Variants in RORA observed in about 807,000 individuals in gnomAD.
The protein encoded by RORA is nuclear receptor ROR-alpha.
In RORA, 7 loss-of-function variants were observed where a neutral mutation model predicts 69.5. The ratio of observed to expected loss-of-function variants is 0.10; its 90% CI spans 0.06 to 0.19. The LOEUF (loss-of-function observed/expected upper bound fraction) is 0.19. Among genes scored for constraint, RORA ranks in the 10% least tolerant of loss-of-function variants. RORA has a pLI of 1.00. For synonymous variants in RORA, 261 were observed against 240.8 expected (o/e 1.08, Z -0.78); for missense variants, 457 against 663.0 (o/e 0.69, Z 3.41).
At chr15:60,608,217 C>T (rs2068998396) in intron 2 of RORA, among the ~76,000 whole-genome samples, 1 of 152,178 alleles carries the variant, frequency 6.6e-6, no homozygotes, top group Non-Finnish European at 1.5e-5. Flanking sequence ...ACGCGGAGCT[C>T]AGATGCTTTT....
At chr15:60,612,029 C>T (rs1400781262) in intron 2 of RORA, among the ~76,000 whole-genome samples, 3 of 152,288 alleles carry the variant, frequency 2.0e-5, no homozygotes, top group East Asian at 1.9e-4. Flanking sequence ...GGGCTTCTAT[C>T]GGCTCTTTCC....
At chr15:61,048,157 C>A (rs770683111) in intron 1 of RORA, among the ~76,000 whole-genome samples, 37 of 152,192 alleles carry the variant, frequency 2.4e-4, no homozygotes, top group Admixed American at 7.2e-4. Flanking sequence ...CCTTTAAATT[C>A]TATTTGAAAC....
At chr15:60,721,837 T>A (rs1037370897) in intron 1 of RORA, among the ~76,000 whole-genome samples, 1 of 152,278 alleles carries the variant, frequency 6.6e-6, no homozygotes, top group Non-Finnish European at 1.5e-5. Context: ...TCATCTCTAG[T>A]AAGAGGTGCC....
intron 1 of RORA, among the ~76,000 whole-genome samples, chr15:60,991,504 G>A (rs552785229): frequency 2.6e-5 from 4 of 152,098 alleles, no homozygotes; most frequent in Non-Finnish European, 5.9e-5. Context: ...GAGTGTTTGT[G>A]TCTTAATAAC....
chr15:60,505,580 G>A lies in RORA; in HGVS notation c.870C>T (p.Tyr290=). The A allele has an allele frequency of 6.2e-7, 1 of 1,613,848 alleles. No individual in the cohort carries two copies. The highest frequency in any genetic ancestry group is 8.5e-7 in the Non-Finnish European group (1 of 1,179,768). The change falls in exon 6 of 11, where the codon TAC becomes TAT. Residue 290 remains tyrosine, a synonymous_variant. Transcript: ENST00000335670. ...TTATCTGCTGGAGCTCTTCTCTCAA[G>A]TATTGGCAGGTTTCCAGATGCGATT... ...ISKSHLETCQ[Y]LREELQQITW... is the part of the protein sequence containing the mutation.
intron 1 of RORA, among the ~76,000 whole-genome samples, chr15:60,898,610 G>T (rs1263290910): frequency 1.3e-5 from 2 of 151,996 alleles, no homozygotes; most frequent in Admixed American, 6.6e-5. Flanking sequence ...GAGGCGGGAA[G>T]ATCACTTGAG....
intron 1 of RORA, among the ~76,000 whole-genome samples, chr15:61,208,216 A>G (rs1226801086): frequency 1.3e-5 from 2 of 152,254 alleles, no homozygotes. Context: ...AAGATTATTC[A>G]GCAACATAAA....
intron 1 of RORA, among the ~76,000 whole-genome samples, chr15:61,135,031 A>AG (rs1567005365): frequency 6.6e-6 from 1 of 151,850 alleles, no homozygotes; most frequent in Non-Finnish European, 1.5e-5. Context: ...AAGCAAAAAA[A>AG]TAGCAGTGGC....
intron 1 of RORA, among the ~76,000 whole-genome samples, chr15:60,940,835 G>C (rs56803737): frequency 6.6e-6 from 1 of 152,158 alleles, no homozygotes; most frequent in African/African-American, 2.4e-5. Flanking sequence ...GCTGAGGCAG[G>C]GGAATTGTTT....
chr15:60,527,719 A>G (rs936661259), intron 3 of RORA, among the ~76,000 whole-genome samples: 2 of 152,250 alleles, frequency 1.3e-5, no homozygotes, highest in African/African-American at 4.8e-5. Context: ...AAATACGTTT[A>G]TAATAAAAAC....
intron 1 of RORA, among the ~76,000 whole-genome samples, chr15:60,832,609 A>G (rs901309491): frequency 4.6e-5 from 7 of 152,284 alleles, no homozygotes; most frequent in African/African-American, 1.7e-4. Context: ...ATACTCTTAG[A>G]CATCTATACC....
At chr15:61,150,269 C>A (rs1307451862) in intron 1 of RORA, among the ~76,000 whole-genome samples, 1 of 152,172 alleles carries the variant, frequency 6.6e-6, no homozygotes, top group African/African-American at 2.4e-5. Context: ...TTATTGGCCT[C>A]CTTCAGTTAA....
intron 1 of RORA, among the ~76,000 whole-genome samples, chr15:61,185,428 C>T (rs2079732056): frequency 6.6e-6 from 1 of 151,842 alleles, no homozygotes. Flanking sequence ...TGAAATCTTC[C>T]CAGAATGTTC....
chr15:60,551,795 G>A (rs140000086), intron 2 of RORA, among the ~76,000 whole-genome samples: 4 of 152,322 alleles, frequency 2.6e-5, no homozygotes, highest in East Asian at 1.9e-4. Flanking sequence ...AGACTGAGAG[G>A]TAAAGTGACT....
chr15:60,970,641 T>A (rs1467740028), intron 1 of RORA, among the ~76,000 whole-genome samples: 2 of 152,240 alleles, frequency 1.3e-5, no homozygotes, highest in African/African-American at 4.8e-5. Flanking sequence ...AGAAAATGAG[T>A]AAATCATAGG....
At chr15:61,197,809 T>A (rs901829267) in intron 1 of RORA, among the ~76,000 whole-genome samples, 1 of 152,146 alleles carries the variant, frequency 6.6e-6, no homozygotes. Flanking sequence ...ACTTCTCAGG[T>A]GTCTCTCCAT....
In RORA at chr15:60,493,486, CTAGG is replaced by C. The variant is rs1464282010; in HGVS notation, c.*3965_*3968del. The C allele has an allele frequency of 6.6e-6, 1 of 152,178 alleles. No individual in the cohort carries two copies. Among genetic ancestry groups the C allele is most frequent in the Non-Finnish European group, 1.5e-5 (1 of 68,046 alleles). The allele number at this position is 152,178 out of a possible 1,614,324, so 9.4% of individuals were successfully genotyped here. A position where few individuals can be genotyped will look rare whatever the true frequency, so the allele number is the denominator to read the frequency against. ...TTAAACCTTTTCATGAAAGATACTA[CTAGG>C]TTGTTTTGCATTTTGGAATGTCGGA... is the stretch of plus-strand genomic sequence containing the variant. On this transcript the variant is annotated 3_prime_UTR_variant, in exon 11 of 11. Coordinates refer to ENST00000335670, the MANE Select transcript of RORA (RefSeq NM_134261.3).
At chr15:60,981,376 T>C (rs1216128447) in intron 1 of RORA, among the ~76,000 whole-genome samples, 2 of 152,152 alleles carry the variant, frequency 1.3e-5, no homozygotes. Flanking sequence ...AGTTTCACCA[T>C]TATTTCTTCA....
intron 1 of RORA, among the ~76,000 whole-genome samples, chr15:60,839,245 G>A (rs532186211): frequency 3.5e-4 from 54 of 152,144 alleles, no homozygotes; most frequent in Non-Finnish European, 4.9e-4. Flanking sequence ...TGTAAGAATA[G>A]TATTAATATA....
Sources: gnomAD v4.1 joint callset for allele counts (sites outside exome capture counted in the v4.1 genomes callset) on GRCh38, gnomAD v4.1.1 for gene constraint, MANE v1.5 for transcripts, NCBI Gene and HGNC (gene_info 2026-07-23, HGNC 2026-07-21) for gene names.